FMNL2: variants seen among roughly 807,000 people sequenced by gnomAD.
FMNL2 encodes the protein formin-like protein 2.
FMNL2 carries 51 observed loss-of-function variants against 130.2 expected under a neutral mutation model. The observed-to-expected ratio is 0.39, with a 90% confidence interval of 0.31 to 0.49. The LOEUF is 0.49. Among genes scored for constraint, FMNL2 ranks in the 20% least tolerant of loss-of-function variants. The pLI, the probability that FMNL2 is intolerant of heterozygous loss-of-function variation, is 0.85. For missense variants in FMNL2, 977 were observed against 1,316.2 expected (o/e 0.74, Z 3.99); for synonymous variants, 465 against 467.1 (o/e 1.00, Z 0.06).
At chr2:152,508,187 G>A (rs995748400) in intron 1 of FMNL2, among the ~76,000 whole-genome samples, 2 of 152,114 alleles carry the variant, frequency 1.3e-5, no homozygotes, top group African/African-American at 2.4e-5. Flanking sequence ...GCAGCTGACT[G>A]GGATGGAACA....
chr2:152,564,756 C>A (rs1437223998), intron 6 of FMNL2, among the ~76,000 whole-genome samples: 1 of 109,654 alleles, frequency 9.1e-6, no homozygotes, highest in African/African-American at 3.4e-5. Flanking sequence ...ACAAACACTG[C>A]GTTCTAAAAT....
intron 1 of FMNL2, among the ~76,000 whole-genome samples, chr2:152,445,892 T>A (rs1398020063): frequency 1.3e-5 from 2 of 152,170 alleles, no homozygotes; most frequent in Non-Finnish European, 2.9e-5. Context: ...TCCCCTCCTT[T>A]CCCATCCCTA....
Position 152,482,819 on chromosome 2 carries a change from T to A in FMNL2, c.118-39124T>A, listed in dbSNP as rs550015560. On this transcript the variant is annotated intron_variant, in intron 1 of 25. Coordinates refer to ENST00000288670, the MANE Select transcript of FMNL2 (RefSeq NM_052905.4). ...AATTACTGGTGTAACTGCCTGATACTGTCCCCGGTATTACTCTTTGACATA... is the reference window on the plus strand; with the variant it reads ...AATTACTGGTGTAACTGCCTGATACAGTCCCCGGTATTACTCTTTGACATA... Among the ~76,000 whole-genome samples, 3 of 152,334 alleles carry A rather than the reference T, an allele frequency of 2.0e-5. No homozygotes were observed. In the South Asian group the frequency reaches 6.2e-4, roughly 32 times the overall value.
At chr2:152,607,010 T>TTTTG (rs1559003132) in intron 9 of FMNL2, among the ~76,000 whole-genome samples, 4 of 130,250 alleles carry the variant, frequency 3.1e-5, no homozygotes, top group Non-Finnish European at 4.9e-5. Flanking sequence ...TTTTTTGTTT[T>TTTTG]TTTTTTTTTT....
At chr2:152,517,692 A>G (rs1221772334) in intron 1 of FMNL2, among the ~76,000 whole-genome samples, 1 of 152,202 alleles carries the variant, frequency 6.6e-6, no homozygotes, top group Non-Finnish European at 1.5e-5. Context: ...TTAGCTAGGA[A>G]CTTGTACAAT....
At chr2:152,501,094 C>T (rs75538136) in intron 1 of FMNL2, among the ~76,000 whole-genome samples, 39 of 152,294 alleles carry the variant, frequency 2.6e-4, no homozygotes, top group Middle Eastern at 6.8e-3. Context: ...TTTTTCATGA[C>T]GGTTTTAAAA....
chr2:152,595,722 T>C (rs1215360397), intron 9 of FMNL2, among the ~76,000 whole-genome samples: 2 of 152,188 alleles, frequency 1.3e-5, no homozygotes, highest in Non-Finnish European at 2.9e-5. Context: ...GTGTGTTCTA[T>C]ATATTTTTTT....
chr2:152,441,102 G>T (rs772029813), intron 1 of FMNL2, among the ~76,000 whole-genome samples: 17 of 152,220 alleles, frequency 1.1e-4, no homozygotes, highest in Non-Finnish European at 2.2e-4. Context: ...TATAGGTAAT[G>T]AAATTTTAGA....
chr2:152,618,145 C>A (rs564669224), intron 13 of FMNL2, among the ~76,000 whole-genome samples: 4 of 152,154 alleles, frequency 2.6e-5, no homozygotes, highest in Admixed American at 6.5e-5. Flanking sequence ...TGGGCCCCCC[C>A]CTTATAAAAG....
chr2:152,468,288 G>A (rs7587794), intron 1 of FMNL2, among the ~76,000 whole-genome samples: 23,531 of 152,056 alleles, frequency 0.15, 2,037 homozygotes, highest in East Asian at 0.27. Context: ...TGTGCCGTCC[G>A]ATACAGGAAC....
intron 17 of FMNL2, among the ~76,000 whole-genome samples, chr2:152,627,622 T>G (rs1681882504): frequency 1.3e-5 from 2 of 152,224 alleles, no homozygotes. Context: ...ATATCTTGTT[T>G]GTCATGATGA....
intron 1 of FMNL2, among the ~76,000 whole-genome samples, chr2:152,504,058 G>A (rs2105334065): frequency 6.6e-6 from 1 of 152,326 alleles, no homozygotes; most frequent in East Asian, 1.9e-4. Flanking sequence ...GGGCGTGGTG[G>A]CACGCGCCTG....
At chr2:152,396,525 GATAAC>G (rs1685402693) in intron 1 of FMNL2, among the ~76,000 whole-genome samples, 2 of 152,052 alleles carry the variant, frequency 1.3e-5, no homozygotes, top group Admixed American at 1.3e-4. Context: ...CATTTCCGAA[GATAAC>G]ATGTATCCAG....
intron 18 of FMNL2, among the ~76,000 whole-genome samples, chr2:152,629,419 TC>T (rs2105928197): frequency 6.6e-6 from 1 of 152,202 alleles, no homozygotes; most frequent in East Asian, 1.9e-4. Context: ...ATAAGCAAGT[TC>T]CTATGTTACT....
intron 1 of FMNL2, among the ~76,000 whole-genome samples, chr2:152,481,421 A>T (rs1417005846): frequency 6.6e-6 from 1 of 152,220 alleles, no homozygotes; most frequent in Non-Finnish European, 1.5e-5. Context: ...TTCAACAGCC[A>T]AAAAACAACG....
intron 15 of FMNL2, among the ~76,000 whole-genome samples, chr2:152,622,195 C>T (rs538872555): frequency 6.6e-6 from 1 of 152,102 alleles, no homozygotes; most frequent in Non-Finnish European, 1.5e-5. Context: ...AGGATGTGCT[C>T]GGATCCTCAC....
chr2:152,377,819 C>G (rs1684254127), intron 1 of FMNL2, among the ~76,000 whole-genome samples: 1 of 152,154 alleles, frequency 6.6e-6, no homozygotes, highest in African/African-American at 2.4e-5. Flanking sequence ...CTCAAGTAGT[C>G]TTAAAGTTTT....
rs1682210159 is a variant in FMNL2, at chr2:152,632,081, A to G, written c.2624A>G (p.Tyr875Cys). The change falls in exon 21 of 26, where the codon TAT becomes TGT. Residue 875 changes from tyrosine (Y) to cysteine (C), a missense_variant. This residue lies in a region of FMNL2 where 689 missense variants were observed against 995.9 expected (regional missense o/e 0.69). Transcript: ENST00000288670. ...ATATCCAATGTGGTGAAAGAAAAAT[A>G]TCACCAAGTGTCCCTGTTTTATAAT... The part of the protein sequence containing the change: ...HYISNVVKEK[Y>C]HQVSLFYNEL... 2 of 1,613,494 alleles carry G rather than the reference A, an allele frequency of 1.2e-6. No individual in the cohort carries two copies. The highest frequency in any genetic ancestry group is 1.7e-6 in the Non-Finnish European group (2 of 1,179,614).
intron 15 of FMNL2, among the ~76,000 whole-genome samples, chr2:152,621,762 T>C (rs888574078): frequency 2.6e-5 from 4 of 152,168 alleles, no homozygotes; most frequent in African/African-American, 7.2e-5. Context: ...TGGTGAGATG[T>C]TTTGCTAGTG....
Sources: allele counts gnomAD v4.1 joint callset (sites outside exome capture counted in the v4.1 genomes callset), GRCh38; gene constraint gnomAD v4.1.1; regional missense constraint gnomAD v4.1.1; transcripts MANE v1.5; gene names NCBI Gene and HGNC (gene_info 2026-07-23, HGNC 2026-07-21).